The following CNTNAP2 variants were observed in gnomAD, a reference collection of about 807,000 sequenced individuals.
The protein encoded by CNTNAP2 is contactin associated protein 2.
CNTNAP2 carries 98 observed loss-of-function variants against 155.2 expected under a neutral mutation model. The observed-to-expected ratio is 0.63, with a 90% CI of 0.54 to 0.75. The LOEUF (loss-of-function observed/expected upper bound fraction) is 0.75, where lower values mean the gene tolerates loss of function less well. CNTNAP2 is among the 30% of genes least tolerant of loss of function. The pLI, the probability that CNTNAP2 is intolerant of heterozygous loss-of-function variation, is 0.00. For missense variants in CNTNAP2, 1,727 were observed against 1,688.1 expected (o/e 1.02, Z -0.40); for synonymous variants, 651 against 631.2 (o/e 1.03, Z -0.47).
At chr7:147,565,687 T>C (rs967917278) in intron 12 of CNTNAP2, among the ~76,000 whole-genome samples, 11 of 152,206 alleles carry the variant, frequency 7.2e-5, no homozygotes, top group Non-Finnish European at 1.6e-4. Flanking sequence ...TTATCAATAC[T>C]AACTTCTCAA....
intron 9 of CNTNAP2, among the ~76,000 whole-genome samples, chr7:147,351,887 A>C (rs1795973262): frequency 6.6e-6 from 1 of 151,964 alleles, no homozygotes; most frequent in Admixed American, 6.6e-5. Context: ...GCAAGTGATT[A>C]GGTAATATGA....
intron 14 of CNTNAP2, among the ~76,000 whole-genome samples, chr7:147,960,311 G>T (rs1054305390): frequency 2.0e-5 from 3 of 152,184 alleles, no homozygotes; most frequent in African/African-American, 7.2e-5. Context: ...AGCAGGACAA[G>T]TTAGAGTTCT....
At chr7:146,591,490 T>C (rs1039215889) in intron 1 of CNTNAP2, among the ~76,000 whole-genome samples, 4 of 143,626 alleles carry the variant, frequency 2.8e-5, no homozygotes, top group African/African-American at 1.0e-4. Flanking sequence ...ATTTTAGCAG[T>C]CTATCAATAA....
At chr7:147,041,663 C>T (rs16883260) in intron 3 of CNTNAP2, among the ~76,000 whole-genome samples, 3,653 of 152,228 alleles carry the variant, frequency 0.024, 166 homozygotes, top group African/African-American at 0.083. Flanking sequence ...TTTAATGCTG[C>T]CTTTTGCAAT....
intron 21 of CNTNAP2, among the ~76,000 whole-genome samples, chr7:148,297,198 A>AAGGAAGGAAGGAAGGAAGGG (rs1484456340): frequency 1.3e-5 from 2 of 151,218 alleles, no homozygotes; most frequent in African/African-American, 4.9e-5. Context: ...GGAAGGAAGG[A>AAGGAAGGAAGGAAGGAAGGG]AGGAAGGAAA....
At chr7:147,087,046 A>T (rs1466630816) in intron 4 of CNTNAP2, among the ~76,000 whole-genome samples, 1 of 152,102 alleles carries the variant, frequency 6.6e-6, no homozygotes, top group South Asian at 2.1e-4. Context: ...AAATTTGCAC[A>T]CTTCACCAGT....
chr7:146,781,696 A>C (rs937403818), intron 2 of CNTNAP2, among the ~76,000 whole-genome samples: 5 of 152,116 alleles, frequency 3.3e-5, no homozygotes, highest in African/African-American at 1.2e-4. Flanking sequence ...CTAGAAAGAA[A>C]ATTTTTCCCT....
chr7:146,651,309 A>G (rs1298090410), intron 1 of CNTNAP2, among the ~76,000 whole-genome samples: 1 of 152,194 alleles, frequency 6.6e-6, no homozygotes, highest in African/African-American at 2.4e-5. Context: ...ACATAGGATC[A>G]TAATAAACAA....
intron 1 of CNTNAP2, among the ~76,000 whole-genome samples, chr7:146,658,974 C>T (rs1185479460): frequency 6.6e-6 from 1 of 152,180 alleles, no homozygotes; most frequent in Admixed American, 6.5e-5. Flanking sequence ...CTGCAGCCAC[C>T]TCCCCTGCAG....
intron 3 of CNTNAP2, among the ~76,000 whole-genome samples, chr7:146,844,417 T>G (rs1287747405): frequency 6.6e-6 from 1 of 152,120 alleles, no homozygotes; most frequent in African/African-American, 2.4e-5. Context: ...TAAATAAAAT[T>G]GCCCAAAAAA....
chr7:146,781,471 A>T (rs191198968), intron 2 of CNTNAP2, among the ~76,000 whole-genome samples: 1 of 152,214 alleles, frequency 6.6e-6, no homozygotes, highest in Non-Finnish European at 1.5e-5. Flanking sequence ...CAGCTTGCTC[A>T]GATAATCACT....
chr7:147,641,893 G>A (rs1795283727), intron 13 of CNTNAP2, among the ~76,000 whole-genome samples: 1 of 152,144 alleles, frequency 6.6e-6, no homozygotes, highest in African/African-American at 2.4e-5. Context: ...GGAAGCCTGA[G>A]CAGATGAATA....
chr7:147,720,144 A>T (rs111988070), intron 13 of CNTNAP2, among the ~76,000 whole-genome samples: 1,612 of 152,234 alleles, frequency 0.011, 23 homozygotes, highest in African/African-American at 0.036. Flanking sequence ...AGTGACACAC[A>T]TGTTCCTTTT....
chr7:146,721,889 A>ATATTTTTT, intron 1 of CNTNAP2, among the ~76,000 whole-genome samples: 1 of 69,708 alleles, frequency 1.4e-5, no homozygotes, highest in African/African-American at 1.9e-4. Flanking sequence ...ATATATATAT[A>ATATTTTTT]TTTTTTTTTT....
chr7:147,120,705 A>G (rs1294402468), intron 5 of CNTNAP2, among the ~76,000 whole-genome samples: 3 of 151,972 alleles, frequency 2.0e-5, no homozygotes, highest in African/African-American at 7.3e-5. Flanking sequence ...ATATGTATAC[A>G]TGTGACATGC....
chr7:146,777,107 G>A (rs1802402879), intron 2 of CNTNAP2, among the ~76,000 whole-genome samples: 1 of 152,108 alleles, frequency 6.6e-6, no homozygotes, highest in African/African-American at 2.4e-5. Flanking sequence ...GTGACCCACA[G>A]TTCATCTCTT....
chr7:147,920,015 T>C (rs1800241592), intron 14 of CNTNAP2, among the ~76,000 whole-genome samples: 1 of 151,996 alleles, frequency 6.6e-6, no homozygotes, highest in Non-Finnish European at 1.5e-5. Flanking sequence ...TCCTCTCACA[T>C]TGGTATAGAG....
At chr7:147,129,553 T>C (rs1343635551) in intron 7 of CNTNAP2, among the ~76,000 whole-genome samples, 1 of 152,182 alleles carries the variant, frequency 6.6e-6, no homozygotes, top group East Asian at 1.9e-4. Flanking sequence ...GAGTTCCCTA[T>C]GGCTCTGCAA....
At position 146,231,015 on chromosome 7, in the gene CNTNAP2, A is replaced by AAAAT. The variant is rs71527791; in HGVS notation, c.97+114066_97+114069dup. Among the ~76,000 whole-genome samples, 387 of 80,704 alleles carry AAAAT rather than the reference A, an allele frequency of 4.8e-3. 3 individuals are homozygous for AAAAT. The highest frequency in any genetic ancestry group is 9.4e-3 in the African/African-American group (286 of 30,508). 52.9% of individuals were successfully genotyped at this position (80,704 alleles called of 152,430 possible). A position where few individuals can be genotyped will look rare whatever the true frequency, so the allele number is the denominator to read the frequency against. On this transcript the variant is annotated intron_variant, in intron 1 of 23. Transcript: ENST00000361727. ...GGGCAACAGAGCGAGACTTTGTCTC[A>AAAAT]AAATAAATAAATAAATAAATAAATA...
Sources: allele counts gnomAD v4.1 joint callset (sites outside exome capture counted in the v4.1 genomes callset), GRCh38; gene constraint gnomAD v4.1.1; transcripts MANE v1.5; gene names NCBI Gene and HGNC (gene_info 2026-07-23, HGNC 2026-07-21).